Variants in LITAF observed in about 807,000 individuals in gnomAD.
LITAF encodes lipopolysaccharide-induced tumor necrosis factor-alpha factor.
In LITAF, 9 loss-of-function variants were observed where a neutral mutation model predicts 14.5. The observed-to-expected ratio is 0.62, with a 90% CI of 0.37 to 1.08. The LOEUF (loss-of-function observed/expected upper bound fraction) is 1.08. LITAF is among the 50% of genes least tolerant of loss of function. The pLI, the probability that LITAF is intolerant of heterozygous loss-of-function variation, is 0.01. For missense variants in LITAF, 206 were observed against 213.4 expected, an observed-to-expected ratio of 0.97 and a Z score of 0.22; for synonymous variants, 98 against 88.2, an observed-to-expected ratio of 1.11 and a Z score of -0.62.
chr16:11,621,518 C>T (rs939730890), intron 3 of LITAF, among the ~76,000 whole-genome samples: 4 of 152,170 alleles, frequency 2.6e-5, no homozygotes, highest in Admixed American at 1.3e-4. Context: ...CCATGACTTT[C>T]TACTTGAAGT....
upstream of LITAF, among the ~76,000 whole-genome samples, chr16:11,638,054 CTA>C (rs372075411): frequency 0.013 from 622 of 48,110 alleles, 121 homozygotes; most frequent in African/African-American, 0.074. Flanking sequence ...ATATATATAT[CTA>C]TATATATATC....
At chr16:11,556,125 C>T (rs148001075) in intron 2 of LITAF, among the ~76,000 whole-genome samples, 91 of 152,286 alleles carry the variant, frequency 6.0e-4, no homozygotes, top group African/African-American at 1.9e-3. Flanking sequence ...TTGCTCAGGA[C>T]GGTTTCTTCT....
At chr16:11,567,728 T>A (rs1416817431) in intron 1 of LITAF, among the ~76,000 whole-genome samples, 1 of 152,182 alleles carries the variant, frequency 6.6e-6, no homozygotes, top group East Asian at 1.9e-4. Flanking sequence ...CTCACGCCTG[T>A]AATCCCAGCA....
At chr16:11,639,755 G>C (rs538989429), upstream of LITAF, among the ~76,000 whole-genome samples, 3 of 152,082 alleles carry the variant, frequency 2.0e-5, no homozygotes, top group African/African-American at 7.2e-5. Context: ...ATCAATTTGG[G>C]AGGCCGAGGA....
At chr16:11,639,502 G>A (rs1336927206), upstream of LITAF, among the ~76,000 whole-genome samples, 1 of 151,942 alleles carries the variant, frequency 6.6e-6, no homozygotes, top group South Asian at 2.1e-4. Flanking sequence ...TAGATGGATG[G>A]ACAAATAGGA....
chr16:11,568,142 G>C (rs1351671553), intron 1 of LITAF, among the ~76,000 whole-genome samples: 2 of 151,918 alleles, frequency 1.3e-5, no homozygotes, highest in East Asian at 3.9e-4. Context: ...ACAAAAATTA[G>C]CCAGGAGTGG....
At chr16:11,614,046 G>A (rs1387409673) in intron 3 of LITAF, among the ~76,000 whole-genome samples, 1 of 152,170 alleles carries the variant, frequency 6.6e-6, no homozygotes, top group Non-Finnish European at 1.5e-5. Context: ...GAGCCGTTGT[G>A]CCCATTGTAC....
Position 11,558,093 on chromosome 16 carries a change from C to A in LITAF, c.-5-1358G>T, listed in dbSNP as rs1486792461. On this transcript the variant is annotated intron_variant, in intron 1 of 3. Transcript: ENST00000622633. This position sits in a 1 kb window ranked among gnomAD's most constrained non-coding sequence, Gnocchi z 4.1. ...GGAAATGAGGCTCCGGGGCAGCGAG[C>A]CACAACCACCACTCCCCTCTCCCGA... 7.9e-5 allele frequency among the ~76,000 whole-genome samples: 12 copies of A among 152,120 alleles called. No individual in the cohort carries two copies. Among genetic ancestry groups the A allele is most frequent in the African/African-American group, 2.9e-4 (12 of 41,412 alleles).
At chr16:11,618,550 C>G (rs1042773613) in intron 3 of LITAF, among the ~76,000 whole-genome samples, 2 of 152,188 alleles carry the variant, frequency 1.3e-5, no homozygotes, top group Non-Finnish European at 2.9e-5. Flanking sequence ...ATGGGCTCCC[C>G]GGGCTTTCGC....
upstream of LITAF, among the ~76,000 whole-genome samples, chr16:11,637,332 A>G (rs373875879): frequency 5.5e-4 from 83 of 152,280 alleles, no homozygotes; most frequent in African/African-American, 1.7e-3. Context: ...CTGGGAATGG[A>G]GCCACAGTAG....
chr16:11,552,851 C>T (rs1339437596), intron 3 of LITAF, among the ~76,000 whole-genome samples: 2 of 152,208 alleles, frequency 1.3e-5, no homozygotes, highest in African/African-American at 2.4e-5. Context: ...TGATGGCCCA[C>T]ACCTGTAATC....
At chr16:11,601,488 A>C (rs920153134), upstream of LITAF, among the ~76,000 whole-genome samples, 2 of 152,238 alleles carry the variant, frequency 1.3e-5, no homozygotes, top group African/African-American at 4.8e-5. Context: ...TGAACCAAGA[A>C]TATCCTCTTT....
chr16:11,636,336 C>G (rs2065138219), exon 1 of LITAF: 1 of 152,334 alleles, frequency 6.6e-6, no homozygotes, highest in Admixed American at 6.5e-5. Context: ...GAAAGAGAAG[C>G]GCTCTCTGCG....
intron 1 of LITAF, among the ~76,000 whole-genome samples, chr16:11,559,431 C>T (rs1392010285): frequency 6.6e-6 from 1 of 152,012 alleles, no homozygotes; most frequent in Non-Finnish European, 1.5e-5. Context: ...TCTGGGACAA[C>T]TTGAATATAT....
chr16:11,635,293 C>T (rs574484749), intron 2 of LITAF, among the ~76,000 whole-genome samples: 4 of 152,312 alleles, frequency 2.6e-5, no homozygotes, highest in Admixed American at 6.5e-5. Context: ...TAGACACACA[C>T]GCATGCACGC....
At chr16:11,613,980 G>C (rs1288087701) in intron 3 of LITAF, among the ~76,000 whole-genome samples, 1 of 152,188 alleles carries the variant, frequency 6.6e-6, no homozygotes, top group Non-Finnish European at 1.5e-5. Context: ...GGCAGGTCCT[G>C]AGATTTGGAC....
chr16:11,550,926 C>G (rs1363749463), intron 3 of LITAF, among the ~76,000 whole-genome samples: 2 of 152,174 alleles, frequency 1.3e-5, no homozygotes, highest in African/African-American at 4.8e-5. Flanking sequence ...AAACTTAAAA[C>G]AGGCGCCTGG....
chr16:11,566,003 G>C (rs1270488836), intron 1 of LITAF, among the ~76,000 whole-genome samples: 3 of 151,984 alleles, frequency 2.0e-5, no homozygotes, highest in Non-Finnish European at 4.4e-5. Flanking sequence ...TTTCCCATCC[G>C]TAAAATGGGT....
intron 3 of LITAF, among the ~76,000 whole-genome samples, chr16:11,626,435 C>A (rs1030094997): frequency 6.8e-6 from 1 of 146,786 alleles, no homozygotes; most frequent in East Asian, 1.9e-4. Flanking sequence ...CCTCTGCCTC[C>A]TGGGTTCAAG....
Sources: gnomAD v4.1 joint callset for allele counts (sites outside exome capture counted in the v4.1 genomes callset) on GRCh38, gnomAD v4.1.1 for gene constraint, Gnocchi (gnomAD v3.1) non-coding constraint, MANE v1.5 for transcripts, NCBI Gene and HGNC (gene_info 2026-07-23, HGNC 2026-07-21) for gene names.